Variants in PIK3C2G observed in about 807,000 individuals in gnomAD.
The protein encoded by PIK3C2G is phosphatidylinositol 3-kinase C2 domain-containing subunit gamma.
Under a neutral mutation model 181.1 loss-of-function variants are expected in PIK3C2G, and 168 were observed. The observed-to-expected ratio is 0.93, with a 90% CI of 0.82 to 1.05. The LOEUF is 1.05. Among genes scored for constraint, PIK3C2G ranks in the 50% least tolerant of loss-of-function variants. The probability of loss-of-function intolerance (pLI) is 0.00; values close to 1 mark genes in which losing one functional copy is unlikely to be tolerated. For synonymous variants in PIK3C2G, 573 were observed against 592.2 expected (o/e 0.97, Z 0.47); for missense variants, 1,869 against 1,732.8 (o/e 1.08, Z -1.40).
At chr12:18,251,539 A>G (rs555003276) in intron 1 of PIK3C2G, among the ~76,000 whole-genome samples, 11 of 152,124 alleles carry the variant, frequency 7.2e-5, no homozygotes, top group Admixed American at 2.6e-4. Flanking sequence ...AAATACATCA[A>G]TGTGTCCCAC....
chr12:18,496,061 G>C lies in PIK3C2G; in HGVS notation c.2794-1G>C. On this transcript the variant is annotated splice_acceptor_variant, in intron 20 of 32. Coordinates refer to ENST00000538779, the MANE Select transcript of PIK3C2G (RefSeq NM_001288772.2). LOFTEE classifies it high-confidence loss of function. ...AGTTTTCCCTTTTTCTTTTCCTATA[G>C]GCATGTTCATATTTTACATCTAATG... 1.4e-6 allele frequency: 2 copies of C among 1,480,914 alleles called. No homozygotes were observed. Among genetic ancestry groups the C allele is most frequent in the Non-Finnish European group, 1.8e-6 (2 of 1,096,344 alleles). The allele number at this position is 1,480,914 out of a possible 1,614,324, so 91.7% of individuals were successfully genotyped here. A position where few individuals can be genotyped will look rare whatever the true frequency, so the allele number is the denominator to read the frequency against.
chr12:18,321,341 T>G (rs1008737010), intron 7 of PIK3C2G, among the ~76,000 whole-genome samples: 5 of 152,232 alleles, frequency 3.3e-5, no homozygotes, highest in African/African-American at 9.6e-5. Context: ...ATATGTCACT[T>G]AAGCTCTTTG....
the PIK3C2G span, among the ~76,000 whole-genome samples, chr12:18,675,261 C>T: frequency 2.2e-4 from 34 of 152,268 alleles, no homozygotes; most frequent in Admixed American, 8.5e-4. Flanking sequence ...CAGCTTAGTC[C>T]AGCCAAATTG....
rs542327503 is a variant in PIK3C2G, at chr12:18,533,941, CTTTTTTT to C, written c.3324-4197_3324-4191del. Among the ~76,000 whole-genome samples the C allele has an allele frequency of 5.5e-4, 50 of 91,486 alleles. No individual in the cohort carries two copies. The East Asian group carries it at 0.015, about 28-fold the overall frequency. 60.0% of individuals were successfully genotyped at this position (91,486 alleles called of 152,430 possible). ...CAAACTATTAATTGTCCTGCTATTT[CTTTTTTT>C]TTTTTTTTTTTTTTTTTCTGAGACA... is the stretch of plus-strand genomic sequence containing the variant. On this transcript the variant is annotated intron_variant, in intron 24 of 32. Transcript: ENST00000538779.
chr12:18,491,350 A>C (rs991670984), intron 19 of PIK3C2G, 101 bp from the exon 20 acceptor site: 4 of 659,210 alleles, frequency 6.1e-6, no homozygotes, highest in African/African-American at 5.4e-5. Context: ...TGTAACCCTG[A>C]ATTCAAGAAT....
intron 30 of PIK3C2G, among the ~76,000 whole-genome samples, chr12:18,602,376 A>G (rs565090188): frequency 1.3e-5 from 2 of 151,198 alleles, no homozygotes; most frequent in East Asian, 3.9e-4. Flanking sequence ...TCGCAGCAAG[A>G]CCAGCCCAAG....
chr12:18,366,419 G>C (rs1246000197), intron 12 of PIK3C2G, among the ~76,000 whole-genome samples: 1 of 152,064 alleles, frequency 6.6e-6, no homozygotes, highest in Non-Finnish European at 1.5e-5. Flanking sequence ...TGTAATCCCA[G>C]CTACTCGGGA....
chr12:18,303,144 T>TTTCC, intron 5 of PIK3C2G, among the ~76,000 whole-genome samples: 1 of 110,624 alleles, frequency 9.0e-6, no homozygotes, highest in African/African-American at 3.5e-5. Context: ...CTTTCTTTTC[T>TTTCC]TTTCTTTCTT....
chr12:18,273,198 A>G (rs572843787), intron 1 of PIK3C2G, among the ~76,000 whole-genome samples: 1 of 152,254 alleles, frequency 6.6e-6, no homozygotes, highest in South Asian at 2.1e-4. Context: ...AAATGCATAC[A>G]TTATTTTCCA....
intron 25 of PIK3C2G, 23 bp downstream of exon 25, chr12:18,538,335 A>G (rs762302141): frequency 1.9e-6 from 3 of 1,573,154 alleles, no homozygotes; most frequent in Non-Finnish European, 1.7e-6. Context: ...GGAAAAAAAA[A>G]CAAAAATAAT....
rs567488276 is a variant in PIK3C2G, at chr12:18,565,337, T to C, written c.3903-1612T>C. 2.0e-5 allele frequency among the ~76,000 whole-genome samples: 3 copies of C among 152,274 alleles called. No individual in the cohort carries two copies. The South Asian group carries it at 6.2e-4, about 32-fold the overall frequency. On this transcript the variant is annotated intron_variant, in intron 28 of 32. Transcript: ENST00000538779. The stretch of plus-strand genomic sequence containing the variant: ...TGTGTTTCTGGGTAACTTCCAGGGG[T>C]ACACGACATGAAAATATTCCTTAAA...
intron 31 of PIK3C2G, among the ~76,000 whole-genome samples, chr12:18,638,023 C>T (rs965086754): frequency 6.6e-6 from 1 of 152,188 alleles, no homozygotes; most frequent in Non-Finnish European, 1.5e-5. Context: ...ACCATTATTT[C>T]ACACCCTTAG....
At chr12:18,668,563 A>G in the PIK3C2G span, among the ~76,000 whole-genome samples, 1 of 152,234 alleles carries the variant, frequency 6.6e-6, no homozygotes, top group Non-Finnish European at 1.5e-5. Flanking sequence ...CAAGGAGATC[A>G]TGCATGCTGG....
chr12:18,698,044 CAGGTCCTGTCCTCATGAACAACATG>C, the PIK3C2G span, among the ~76,000 whole-genome samples: 7 of 151,300 alleles, frequency 4.6e-5, no homozygotes, highest in South Asian at 2.1e-4. Flanking sequence ...GCTGTGCCTA[CAGGTCCTGTCCTCATGAACAACATG>C]AGGACCTGTC....
chr12:18,647,354 C>G (rs963223900), intron 32 of PIK3C2G, among the ~76,000 whole-genome samples: 1 of 151,426 alleles, frequency 6.6e-6, no homozygotes, highest in Admixed American at 6.6e-5. Context: ...GTGCTACGTT[C>G]ACTACTTAGG....
chr12:18,681,136 A>T, the PIK3C2G span, among the ~76,000 whole-genome samples: 1 of 152,018 alleles, frequency 6.6e-6, no homozygotes, highest in African/African-American at 2.4e-5. Context: ...TTGTTCAACA[A>T]GGAAACACGA....
intron 31 of PIK3C2G, among the ~76,000 whole-genome samples, chr12:18,630,711 CTA>C (rs1949313805): frequency 2.3e-4 from 2 of 8,564 alleles, no homozygotes; most frequent in Non-Finnish European, 2.0e-3. Context: ...CAAATCTAGA[CTA>C]TATAAAATTC....
chr12:18,269,917 T>TC (rs2137046894), intron 1 of PIK3C2G, among the ~76,000 whole-genome samples: 1 of 148,078 alleles, frequency 6.8e-6, no homozygotes, highest in East Asian at 2.0e-4. Flanking sequence ...CTTTTCTTTT[T>TC]TTTTTTTTTT....
intron 29 of PIK3C2G, among the ~76,000 whole-genome samples, chr12:18,576,850 A>G (rs1946254782): frequency 6.6e-6 from 1 of 152,184 alleles, no homozygotes; most frequent in African/African-American, 2.4e-5. Flanking sequence ...GTTCATTTAT[A>G]CTGTAGTCAA....
Sources: allele counts gnomAD v4.1 joint callset (sites outside exome capture counted in the v4.1 genomes callset), GRCh38; gene constraint gnomAD v4.1.1; transcripts MANE v1.5; gene names NCBI Gene and HGNC (gene_info 2026-07-23, HGNC 2026-07-21).